The following UPB1 variants were observed in gnomAD, a reference collection of about 807,000 sequenced individuals.
UPB1 encodes beta-ureidopropionase 1.
In UPB1, 40 loss-of-function variants were observed where a neutral mutation model predicts 49.1. The observed-to-expected ratio is 0.81, with a 90% CI of 0.63 to 1.06. UPB1 has a LOEUF of 1.06. Ranked by LOEUF, UPB1 falls within the 50% of genes least tolerant of loss-of-function variation. The pLI is 0.00. For missense variants in UPB1, 499 were observed against 505.9 expected (o/e 0.99, Z 0.13); for synonymous variants, 207 against 198.2 (o/e 1.04, Z -0.38).
intron 3 of UPB1, among the ~76,000 whole-genome samples, chr22:24,505,746 T>C (rs1416214852): frequency 6.6e-6 from 1 of 152,112 alleles, no homozygotes; most frequent in East Asian, 1.9e-4. Flanking sequence ...GGAGTCTTGG[T>C]CTGTCACCCA....
rs754528626 is a variant in UPB1 at position 24,523,626 on chromosome 22, G to A, written c.924G>A (p.Gln308=). The A allele has an allele frequency of 1.2e-6, 2 of 1,614,152 alleles. No homozygotes were observed. Among genetic ancestry groups the A allele is most frequent in the African/African-American group, 1.3e-5 (1 of 74,950 alleles). Residue 308 remains glutamine (Q), a synonymous_variant, in exon 9 of 10, where the codon CAG becomes CAA. Coordinates refer to ENST00000326010, the MANE Select transcript of UPB1 (RefSeq NM_016327.3). ...TTCTTTGTTCCTTTAAAGCTCACCA[G>A]GACTTTGGCTACTTTTATGGCTCGA... ...FTSGDGKKAH[Q]DFGYFYGSSY...
chr22:24,515,703 C>T lies in UPB1; in HGVS notation c.791+333C>T, dbSNP rs140040668. Among the ~76,000 whole-genome samples, 775 of 152,316 alleles carry T rather than the reference C, an allele frequency of 5.1e-3. 2 individuals carry two copies. Among genetic ancestry groups the T allele is most frequent in the South Asian group, 0.016 (78 of 4,830 alleles). ...AAAAAGCCCCACATTGGGCTGAGCT[C>T]GGTGGCTCACACCTGTAATCCCAGC... is the stretch of plus-strand genomic sequence containing the variant. On this transcript the variant is annotated intron_variant, in intron 6 of 9. Transcript: ENST00000326010.
intron 1 of UPB1, among the ~76,000 whole-genome samples, chr22:24,499,082 A>G (rs1466961256): frequency 1.3e-5 from 2 of 152,166 alleles, no homozygotes; most frequent in African/African-American, 2.4e-5. Context: ...AACCTTGACT[A>G]CTTGAAAAGC....
intron 3 of UPB1, among the ~76,000 whole-genome samples, chr22:24,508,190 C>T (rs534399092): frequency 2.0e-5 from 3 of 152,220 alleles, no homozygotes; most frequent in South Asian, 4.1e-4. Flanking sequence ...CTGCACACCC[C>T]CCTCAAGTTA....
chr22:24,515,156 A>G (rs776152017), intron 5 of UPB1, 45 bp from the exon 6 acceptor site: 3 of 1,613,072 alleles, frequency 1.9e-6, no homozygotes, highest in Non-Finnish European at 2.5e-6. Flanking sequence ...GTCTAAGGAA[A>G]TCTTGAAGGT....
In UPB1 at chr22:24,520,441, C is replaced by T. The variant is rs2232867; in HGVS notation, c.846C>T (p.Phe282=). The T allele has an allele frequency of 1.5e-3, 2,355 of 1,614,162 alleles. 23 individuals carry two copies. The African/African-American group carries it at 0.028, about 19-fold the overall frequency. ...ACGCAGCCATTGCCAATCACTGCTT[C>T]ACCTGCGCCATCAATCGAGTGGGCA... ...ARNAAIANHC[F]TCAINRVGTE... is the part of the protein sequence containing the mutation. Residue 282 remains phenylalanine (F), a synonymous_variant, in exon 7 of 10, where the codon TTC becomes TTT. Coordinates refer to ENST00000326010, the MANE Select transcript of UPB1 (RefSeq NM_016327.3).
At chr22:24,498,991 G>C (rs1233884696) in intron 1 of UPB1, among the ~76,000 whole-genome samples, 1 of 152,214 alleles carries the variant, frequency 6.6e-6, no homozygotes, top group Non-Finnish European at 1.5e-5. Context: ...CTGGAGGGTG[G>C]GAGGACTGTC....
intron 6 of UPB1, among the ~76,000 whole-genome samples, chr22:24,516,251 T>C (rs1271048735): frequency 6.6e-6 from 1 of 152,122 alleles, no homozygotes; most frequent in Non-Finnish European, 1.5e-5. Context: ...GCCTCACCCC[T>C]AAACAGATAG....
intron 3 of UPB1, among the ~76,000 whole-genome samples, chr22:24,504,723 CT>C (rs35606558): frequency 0.032 from 2,969 of 91,566 alleles, 17 homozygotes; most frequent in African/African-American, 0.058. Context: ...GTATTTCCTC[CT>C]TTTTTTTTTT....
intron 4 of UPB1, 69 bp from the exon 5 acceptor site, chr22:24,513,255 T>C: frequency 6.2e-7 from 1 of 1,611,046 alleles, no homozygotes. Flanking sequence ...GTAGGATCAT[T>C]CTTCTTTGAT....
rs369029081 is a variant in UPB1 at position 24,522,054 on chromosome 22, G to A, written c.916+26G>A. The A allele has an allele frequency of 2.5e-6, 4 of 1,612,866 alleles. No homozygotes were observed. In the African/African-American group the frequency reaches 5.3e-5, roughly 22 times the overall value. On this transcript the variant is annotated intron_variant, in intron 8 of 9. Coordinates refer to ENST00000326010, the MANE Select transcript of UPB1 (RefSeq NM_016327.3). ...GTATGTCCCATGAACCATGGTGGCT[G>A]CAGTTGAGGAGTGGGCCTTCCTCTC...
At chr22:24,515,392 G>C (rs780319133) in intron 6 of UPB1, 22 bp downstream of exon 6, 1 of 1,613,684 alleles carries the variant, frequency 6.2e-7, no homozygotes, top group Non-Finnish European at 8.5e-7. Context: ...GGTGGGGTCT[G>C]GGGGGCTTCC....
chr22:24,504,778 A>C (rs1601486672), intron 3 of UPB1, among the ~76,000 whole-genome samples: 1 of 118,178 alleles, frequency 8.5e-6, no homozygotes, highest in Non-Finnish European at 1.6e-5. Flanking sequence ...CTGAGGCTGT[A>C]GTGCAGTGGC....
Position 24,520,400 on chromosome 22 carries a change from C to T in UPB1, c.805C>T (p.Pro269Ser), listed in dbSNP as rs748493512. Reference sequence around the variant, plus strand: ...CCTCTCTTACAGCGAGTCCCTGTGGCCCATCGAGGCCAGAAACGCAGCCAT... The same window carrying T: ...CCTCTCTTACAGCGAGTCCCTGTGGTCCATCGAGGCCAGAAACGCAGCCAT... Reference protein sequence around the residue: ...TIGALSESLWPIEARNAAIAN... With the variant: ...TIGALSESLWSIEARNAAIAN... The change falls in exon 7 of 10, where the codon CCC (proline) becomes TCC (serine). Residue 269 changes from proline (P) to serine (S), a missense_variant. Transcript: ENST00000326010. 5 of 1,614,132 alleles carry T rather than the reference C, an allele frequency of 3.1e-6. No individual in the cohort carries two copies. In the Admixed American group the frequency reaches 8.3e-5, roughly 27 times the overall value.
intron 3 of UPB1, among the ~76,000 whole-genome samples, chr22:24,510,164 G>A (rs2044171857): frequency 6.6e-6 from 1 of 151,748 alleles, no homozygotes; most frequent in East Asian, 1.9e-4. Context: ...ACCTGGGAGG[G>A]GGAGGTTGAG....
chr22:24,516,469 C>G (rs1407824305), intron 6 of UPB1: 2 of 152,210 alleles, frequency 1.3e-5, no homozygotes, highest in Non-Finnish European at 2.9e-5. Context: ...CTACAAGTAA[C>G]AGAACTCTAG....
At chr22:24,522,383 C>A (rs2044410144) in intron 8 of UPB1, among the ~76,000 whole-genome samples, 1 of 152,174 alleles carries the variant, frequency 6.6e-6, no homozygotes, top group South Asian at 2.1e-4. Flanking sequence ...GTCCTTGTCC[C>A]CCCTCCCCTT....
chr22:24,505,946 C>G (rs1335170653), intron 3 of UPB1, among the ~76,000 whole-genome samples: 1 of 151,248 alleles, frequency 6.6e-6, no homozygotes, highest in Non-Finnish European at 1.5e-5. Context: ...CTCCTGACCT[C>G]AGGTGATCCA....
chr22:24,502,515 G>T (rs201995642), intron 3 of UPB1: 2 of 780,020 alleles, frequency 2.6e-6, no homozygotes, highest in Non-Finnish European at 4.8e-6. Context: ...CCTCCAGCTG[G>T]TCTCCTGTGC....
Sources: gnomAD v4.1 joint callset for allele counts (sites outside exome capture counted in the v4.1 genomes callset) on GRCh38, gnomAD v4.1.1 for gene constraint, MANE v1.5 for transcripts, NCBI Gene and HGNC (gene_info 2026-07-23, HGNC 2026-07-21) for gene names.